MSRA: variants seen among roughly 807,000 people sequenced by gnomAD.
The protein encoded by MSRA is mitochondrial peptide methionine sulfoxide reductase.
In MSRA, 54 loss-of-function variants were observed where a neutral mutation model predicts 31.3. That is an observed-to-expected ratio of 1.73 (90% CI 1.39 to 2.17). The LOEUF (loss-of-function observed/expected upper bound fraction) is 2.17, where lower values mean the gene tolerates loss of function less well. MSRA is among the 30% of genes most tolerant of loss of function. The pLI is 0.00. For synonymous variants in MSRA, 169 were observed against 116.5 expected (o/e 1.45, Z -2.90); for missense variants, 507 against 300.9 (o/e 1.69, Z -5.07).
chr8:10,319,657 G>C (rs1433896529), intron 4 of MSRA, among the ~76,000 whole-genome samples: 1 of 151,380 alleles, frequency 6.6e-6, no homozygotes, highest in Non-Finnish European at 1.5e-5. Flanking sequence ...AAATCTACCT[G>C]AGTTCAAAGA....
intron 3 of MSRA, among the ~76,000 whole-genome samples, chr8:10,274,371 T>C (rs868103683): frequency 1.4e-4 from 21 of 152,244 alleles, no homozygotes; most frequent in Middle Eastern, 3.4e-3. Flanking sequence ...GGGACAGTTA[T>C]GGGAAAGCAG....
chr8:10,353,583 G>C (rs1190680140), intron 5 of MSRA: 1 of 456,078 alleles, frequency 2.2e-6, no homozygotes, highest in Non-Finnish European at 4.4e-6. Context: ...GGTAGCCTCT[G>C]TACCGTCTTT....
chr8:10,076,078 C>T (rs555325194), intron 1 of MSRA, among the ~76,000 whole-genome samples: 2 of 104,934 alleles, frequency 1.9e-5, no homozygotes, highest in South Asian at 2.7e-4. Context: ...CAGAGCTGTG[C>T]GTCATGTGCT....
At chr8:10,168,557 T>C (rs1422991570) in intron 1 of MSRA, among the ~76,000 whole-genome samples, 1 of 152,162 alleles carries the variant, frequency 6.6e-6, no homozygotes, top group Non-Finnish European at 1.5e-5. Context: ...AACAGTACCA[T>C]TTAAACCTAG....
intron 1 of MSRA, among the ~76,000 whole-genome samples, chr8:10,126,387 C>T (rs1194434918): frequency 6.6e-6 from 1 of 152,128 alleles, no homozygotes; most frequent in African/African-American, 2.4e-5. Context: ...ACAGCAGTTC[C>T]CAAGCTCTGT....
intron 2 of MSRA, among the ~76,000 whole-genome samples, chr8:10,239,409 C>G (rs986050147): frequency 1.3e-5 from 2 of 152,208 alleles, no homozygotes; most frequent in Non-Finnish European, 2.9e-5. Flanking sequence ...ATCCACCTGC[C>G]TTGGCCTCCC....
intron 5 of MSRA, among the ~76,000 whole-genome samples, chr8:10,362,893 C>T (rs978929065): frequency 1.3e-5 from 2 of 152,020 alleles, no homozygotes; most frequent in Admixed American, 1.3e-4. Flanking sequence ...TGTTCCTGCC[C>T]CTGCCTCCCT....
chr8:10,417,165 T>C (rs1808511121), intron 5 of MSRA, among the ~76,000 whole-genome samples: 1 of 152,126 alleles, frequency 6.6e-6, no homozygotes, highest in South Asian at 2.1e-4. Context: ...CACCTCTTTC[T>C]CTCCTTTCCC....
At chr8:10,302,865 G>A (rs958647027) in intron 4 of MSRA, among the ~76,000 whole-genome samples, 1 of 152,128 alleles carries the variant, frequency 6.6e-6, no homozygotes, top group Non-Finnish European at 1.5e-5. Context: ...AGAACCGGTA[G>A]GACAAGAACA....
At chr8:10,360,415 A>G (rs1321978232) in intron 5 of MSRA, among the ~76,000 whole-genome samples, 1 of 152,150 alleles carries the variant, frequency 6.6e-6, no homozygotes, top group Non-Finnish European at 1.5e-5. Context: ...CTTGTCACCT[A>G]GTTTTGTTGT....
intron 1 of MSRA, among the ~76,000 whole-genome samples, chr8:10,105,229 A>C (rs969288043): frequency 1.3e-5 from 2 of 152,042 alleles, no homozygotes; most frequent in East Asian, 3.9e-4. Context: ...GCAACTTTGG[A>C]AATTAACTAT....
chr8:10,347,888 C>G (rs1803883690), intron 5 of MSRA, among the ~76,000 whole-genome samples: 1 of 152,216 alleles, frequency 6.6e-6, no homozygotes, highest in Admixed American at 6.5e-5. Flanking sequence ...TCCCTTGTCT[C>G]CAGTGGCAGT....
At chr8:10,237,210 C>T (rs1302094047) in intron 2 of MSRA, among the ~76,000 whole-genome samples, 1 of 152,208 alleles carries the variant, frequency 6.6e-6, no homozygotes, top group Non-Finnish European at 1.5e-5. Context: ...TTTCTTGTGG[C>T]ATTTGTATTA....
At chr8:10,240,067 G>C (rs560447967) in intron 2 of MSRA, among the ~76,000 whole-genome samples, 2 of 152,332 alleles carry the variant, frequency 1.3e-5, no homozygotes, top group South Asian at 4.1e-4. Flanking sequence ...TGCTTGGTCT[G>C]ATGGATGTTA....
chr8:10,182,863 G>A (rs192010113), intron 1 of MSRA, among the ~76,000 whole-genome samples: 91 of 152,284 alleles, frequency 6.0e-4, no homozygotes, highest in Admixed American at 5.4e-3. Flanking sequence ...CCTCAGTGTT[G>A]CCATGTTCTA....
chr8:10,176,444 A>G (rs1806058798), intron 1 of MSRA, among the ~76,000 whole-genome samples: 1 of 152,218 alleles, frequency 6.6e-6, no homozygotes, highest in Non-Finnish European at 1.5e-5. Flanking sequence ...GTGTGGTGCC[A>G]GGAGGCTTCC....
intron 1 of MSRA, among the ~76,000 whole-genome samples, chr8:10,156,785 G>A (rs78200322): frequency 0.018 from 2,675 of 145,090 alleles, 83 homozygotes; most frequent in African/African-American, 0.064. Flanking sequence ...TTGCCTTCTG[G>A]TTCTGTATCG....
intron 3 of MSRA, among the ~76,000 whole-genome samples, chr8:10,281,046 T>C (rs1200200612): frequency 6.6e-6 from 1 of 152,192 alleles, no homozygotes; most frequent in Non-Finnish European, 1.5e-5. Context: ...ATGGAGTCTC[T>C]TTTTGGAGTG....
At chr8:10,095,906 C>T (rs1328267116) in intron 1 of MSRA, 6 of 1,310,668 alleles carry the variant, frequency 4.6e-6, no homozygotes, top group Non-Finnish European at 5.9e-6. Context: ...CCATGAGAGA[C>T]AGGATTAATA....
Sources: gnomAD v4.1 joint callset for allele counts (sites outside exome capture counted in the v4.1 genomes callset) on GRCh38, gnomAD v4.1.1 for gene constraint, MANE v1.5 for transcripts, NCBI Gene and HGNC (gene_info 2026-07-23, HGNC 2026-07-21) for gene names.